NOX4: variants seen among roughly 807,000 people sequenced by gnomAD.
The protein encoded by NOX4 is NADPH oxidase 4.
In NOX4, 69 loss-of-function variants were observed where a neutral mutation model predicts 87.6. That is an observed-to-expected ratio of 0.79 (90% CI 0.65 to 0.96). The LOEUF is 0.96. NOX4 is among the 40% of genes least tolerant of loss of function. NOX4 has a pLI of 0.00. For synonymous variants in NOX4, 275 were observed against 238.2 expected, an observed-to-expected ratio of 1.15 and a Z score of -1.42; for missense variants, 680 against 681.5, an observed-to-expected ratio of 1.00 and a Z score of 0.02.
At chr11:89,379,767 G>A (rs1317403358) in intron 11 of NOX4, among the ~76,000 whole-genome samples, 1 of 152,052 alleles carries the variant, frequency 6.6e-6, no homozygotes, top group Non-Finnish European at 1.5e-5. Flanking sequence ...AATACATTTT[G>A]TTAACTCTAA....
the NOX4 span, among the ~76,000 whole-genome samples, chr11:89,569,099 C>G: frequency 2.0e-5 from 3 of 150,930 alleles, no homozygotes; most frequent in Non-Finnish European, 2.9e-5. Context: ...AAACTTTTAA[C>G]TATAAAACCC....
chr11:89,457,914 A>G (rs184038806), intron 2 of NOX4, among the ~76,000 whole-genome samples: 1 of 152,174 alleles, frequency 6.6e-6, no homozygotes, highest in African/African-American at 2.4e-5. Context: ...AAATAACACA[A>G]ACAAATGAAA....
At chr11:89,396,359 C>T (rs992075450) in intron 11 of NOX4, among the ~76,000 whole-genome samples, 1 of 152,056 alleles carries the variant, frequency 6.6e-6, no homozygotes, top group Non-Finnish European at 1.5e-5. Context: ...GATTTTGTAT[C>T]CTGAGACTTC....
chr11:89,428,447 T>C (rs1461114796), intron 7 of NOX4, among the ~76,000 whole-genome samples: 1 of 150,218 alleles, frequency 6.7e-6, no homozygotes, highest in Non-Finnish European at 1.5e-5. Context: ...TCAAGACCCA[T>C]CAGTGTGCTG....
intron 2 of NOX4, among the ~76,000 whole-genome samples, chr11:89,480,225 G>A (rs1038853686): frequency 5.9e-5 from 9 of 152,256 alleles, no homozygotes; most frequent in Admixed American, 3.9e-4. Flanking sequence ...CATATTGCAT[G>A]CTAAGGGTTG....
At chr11:89,393,207 G>A (rs1591099811) in intron 11 of NOX4, among the ~76,000 whole-genome samples, 1 of 152,154 alleles carries the variant, frequency 6.6e-6, no homozygotes, top group South Asian at 2.1e-4. Context: ...TAAAGATGCT[G>A]CAAAACATCC....
rs78519360 is a variant in NOX4 at position 89,392,420 on chromosome 11, T to A, written c.1074+7597A>T. The stretch of plus-strand genomic sequence containing the variant: ...TATAACTAATGGAGCTTCCGTGAGG[T>A]GAGGAAAAGCTCTCTTGTCTTTTTT... On this transcript the variant is annotated intron_variant, in intron 11 of 17. Coordinates refer to ENST00000263317, the MANE Select transcript of NOX4 (RefSeq NM_016931.5). Among the ~76,000 whole-genome samples the A allele has an allele frequency of 2.1e-3, 313 of 152,234 alleles. 1 individual carries two copies. Among genetic ancestry groups the A allele is most frequent in the Non-Finnish European group, 2.5e-3 (168 of 68,018 alleles).
chr11:89,355,332 TA>T (rs2134977774), intron 12 of NOX4, among the ~76,000 whole-genome samples: 1 of 140,582 alleles, frequency 7.1e-6, no homozygotes, highest in South Asian at 2.2e-4. Flanking sequence ...TTCATATATA[TA>T]TTTTAAATAT....
At chr11:89,408,522 A>G (rs768407383) in intron 8 of NOX4, among the ~76,000 whole-genome samples, 8 of 152,188 alleles carry the variant, frequency 5.3e-5, no homozygotes, top group Non-Finnish European at 1.2e-4. Flanking sequence ...AGTGTGCCTC[A>G]GGAAATCCTA....
rs546544687 is a variant in NOX4, at chr11:89,325,933, A to G, written c.*823T>C. 12 of 148,312 alleles carry G rather than the reference A, an allele frequency of 8.1e-5. No individual in the cohort carries two copies. The highest frequency in any genetic ancestry group is 4.2e-4 in the South Asian group (2 of 4,758). The allele number at this position is 148,312 out of a possible 1,614,324, so 9.2% of individuals were successfully genotyped here. A position where few individuals can be genotyped will look rare whatever the true frequency, so the allele number is the denominator to read the frequency against. ...TATGTGTGTGTGTGTGTATATATAT[A>G]TGTGTATATACATATATATATCCAT... On this transcript the variant is annotated 3_prime_UTR_variant, in exon 18 of 18. Transcript: ENST00000263317.
chr11:89,496,082 G>A (rs75819659), upstream of NOX4, among the ~76,000 whole-genome samples: 77 of 152,278 alleles, frequency 5.1e-4, no homozygotes, highest in Non-Finnish European at 9.0e-4. Flanking sequence ...AGGCCCACCA[G>A]GGAGCCAGGG....
chr11:89,393,450 C>G (rs774713472), intron 11 of NOX4, among the ~76,000 whole-genome samples: 1 of 151,648 alleles, frequency 6.6e-6, no homozygotes, highest in Non-Finnish European at 1.5e-5. Context: ...AAAAAAAAAT[C>G]AAATCTTTCA....
At chr11:89,520,039 T>C in the NOX4 span, among the ~76,000 whole-genome samples, 105 of 152,080 alleles carry the variant, frequency 6.9e-4, no homozygotes, top group African/African-American at 2.4e-3. Context: ...TAAAATGAGG[T>C]AGGCTGCTTG....
the NOX4 span, among the ~76,000 whole-genome samples, chr11:89,520,667 C>T: frequency 2.0e-5 from 3 of 152,094 alleles, no homozygotes; most frequent in African/African-American, 7.2e-5. Context: ...CTTACTACTG[C>T]TGTTCAACAT....
At chr11:89,340,488 C>T (rs1279279172) in intron 14 of NOX4, among the ~76,000 whole-genome samples, 2 of 152,102 alleles carry the variant, frequency 1.3e-5, no homozygotes, top group African/African-American at 4.8e-5. Context: ...AAGGCCATAA[C>T]TGAACTGGAC....
At chr11:89,336,028 T>G (rs752980242) in intron 16 of NOX4, 83 bp from the exon 17 acceptor site, 17 of 785,596 alleles carry the variant, frequency 2.2e-5, no homozygotes, top group Non-Finnish European at 6.2e-6. Context: ...GTGCTGCGGC[T>G]TCCCACCAAA....
At chr11:89,522,313 C>T in the NOX4 span, among the ~76,000 whole-genome samples, 1 of 152,056 alleles carries the variant, frequency 6.6e-6, no homozygotes, top group African/African-American at 2.4e-5. Flanking sequence ...ACAGATACAC[C>T]ATCAAATACT....
chr11:89,489,138 T>G (rs1361608361), intron 2 of NOX4: 1 of 560,014 alleles, frequency 1.8e-6, no homozygotes, highest in Non-Finnish European at 3.1e-6. Context: ...GTATAAAAAA[T>G]TAATTAATTA....
chr11:89,466,438 A>G (rs891002309), intron 2 of NOX4, among the ~76,000 whole-genome samples: 4 of 152,364 alleles, frequency 2.6e-5, no homozygotes, highest in Admixed American at 2.6e-4. Flanking sequence ...TTTTGTGAAA[A>G]GTAAACACAG....
Sources: gnomAD v4.1 joint callset for allele counts (sites outside exome capture counted in the v4.1 genomes callset) on GRCh38, gnomAD v4.1.1 for gene constraint, MANE v1.5 for transcripts, NCBI Gene and HGNC (gene_info 2026-07-23, HGNC 2026-07-21) for gene names.